The following CAMTA1 variants were observed in gnomAD, a reference collection of about 807,000 sequenced individuals.
CAMTA1 encodes the protein calmodulin binding transcription activator 1.
A neutral mutation model predicts 170.9 loss-of-function variants in CAMTA1; 27 were observed. The ratio of observed to expected loss-of-function variants is 0.16; its 90% CI spans 0.12 to 0.22. CAMTA1 has a LOEUF of 0.22. CAMTA1 is among the 10% of genes least tolerant of loss of function. The pLI, the probability that CAMTA1 is intolerant of heterozygous loss-of-function variation, is 1.00. For missense variants in CAMTA1, 1,619 were observed against 2,217.2 expected (o/e 0.73, Z 5.42); for synonymous variants, 833 against 891.5 (o/e 0.93, Z 1.17).
chr1:7,018,227 C>G (rs189536908), intron 3 of CAMTA1, among the ~76,000 whole-genome samples: 1 of 151,898 alleles, frequency 6.6e-6, no homozygotes, highest in Admixed American at 6.6e-5. Flanking sequence ...ACTCCTCTCT[C>G]GACTCCTGGG....
intron 5 of CAMTA1, among the ~76,000 whole-genome samples, chr1:7,424,084 C>T (rs1176071400): frequency 2.0e-5 from 3 of 152,100 alleles, no homozygotes; most frequent in Non-Finnish European, 2.9e-5. Flanking sequence ...GATAAGCCCA[C>T]GTCAGCCTTC....
intron 6 of CAMTA1, among the ~76,000 whole-genome samples, chr1:7,582,842 G>A (rs2095272916): frequency 6.6e-6 from 1 of 151,782 alleles, no homozygotes. Flanking sequence ...TGGGGACTGA[G>A]GAACCAGAAG....
intron 3 of CAMTA1, among the ~76,000 whole-genome samples, chr1:7,009,992 G>C (rs1209428155): frequency 6.6e-6 from 1 of 152,232 alleles, no homozygotes. Context: ...TGTTGGCGCT[G>C]TCCAGGTGCC....
Position 6,785,502 on chromosome 1 carries a change from T to TCC in CAMTA1, c.-28_-27insCC. 9.8e-7 allele frequency: 1 copy of TCC among 1,024,022 alleles called. No homozygotes were observed. Among genetic ancestry groups the TCC allele is most frequent in the Non-Finnish European group, 1.2e-6 (1 of 851,098 alleles). The allele number at this position is 1,024,022 out of a possible 1,614,324, so 63.4% of individuals were successfully genotyped here. On this transcript the variant is annotated 5_prime_UTR_variant, in exon 1 of 23. Transcript: ENST00000303635. Reference sequence around the variant, plus strand: ...GGCGGCGGCGGTACGAGGCGCGCGCTCGGGGTCCCGGTCGCGAGGAGGAGG... The same window carrying TCC: ...GGCGGCGGCGGTACGAGGCGCGCGCTCCCGGGGTCCCGGTCGCGAGGAGGAGG...
At chr1:7,467,925 TC>T (rs1557764182) in intron 6 of CAMTA1, 24 bp downstream of exon 6, 1 of 1,596,968 alleles carries the variant, frequency 6.3e-7, no homozygotes, top group African/African-American at 1.3e-5. Context: ...ACTGGATTCT[TC>T]TTCTGTCTCT....
At chr1:6,909,306 G>A (rs1334864434) in intron 3 of CAMTA1, among the ~76,000 whole-genome samples, 2 of 152,240 alleles carry the variant, frequency 1.3e-5, no homozygotes, top group Non-Finnish European at 2.9e-5. Context: ...CAGTATGTCT[G>A]AATTACTTCC....
chr1:6,893,565 G>C (rs1219182640), intron 3 of CAMTA1, among the ~76,000 whole-genome samples: 4 of 152,250 alleles, frequency 2.6e-5, no homozygotes, highest in Admixed American at 6.5e-5. Context: ...TAGGTTTGCA[G>C]AATTCTAAAT....
At chr1:6,993,937 T>A (rs1484427867) in intron 3 of CAMTA1, among the ~76,000 whole-genome samples, 1 of 152,194 alleles carries the variant, frequency 6.6e-6, no homozygotes. Context: ...TTGGGTTAAT[T>A]GAATGTATTA....
rs975016663 is a variant in CAMTA1 at position 7,007,697 on chromosome 1, C to T, written c.235-83607C>T. On this transcript the variant is annotated intron_variant, in intron 3 of 22. Coordinates refer to ENST00000303635, the MANE Select transcript of CAMTA1 (RefSeq NM_015215.4). This position sits in a 1 kb window ranked among gnomAD's most constrained non-coding sequence, Gnocchi z 4.5. ...AGGTGAGCTCCTTCTGAAAGGACCC[C>T]CTGTGGGGCTCCCGGGGCGTCGCTT... Among the ~76,000 whole-genome samples the T allele has an allele frequency of 6.6e-6, 1 of 152,150 alleles. No homozygotes were observed. The highest frequency in any genetic ancestry group is 6.5e-5 in the Admixed American group (1 of 15,280).
intron 4 of CAMTA1, among the ~76,000 whole-genome samples, chr1:7,213,128 A>G (rs979327273): frequency 1.6e-4 from 25 of 152,368 alleles, no homozygotes; most frequent in African/African-American, 5.8e-4. Context: ...ATAAATGCCT[A>G]GGAATGCAGC....
At chr1:7,034,189 G>T (rs774521848) in intron 3 of CAMTA1, among the ~76,000 whole-genome samples, 1 of 151,890 alleles carries the variant, frequency 6.6e-6, no homozygotes, top group Non-Finnish European at 1.5e-5. Context: ...ACAGAGTCTC[G>T]CTCTGTTGCC....
intron 6 of CAMTA1, among the ~76,000 whole-genome samples, chr1:7,469,506 C>G (rs1044482342): frequency 6.6e-6 from 1 of 152,262 alleles, no homozygotes; most frequent in African/African-American, 2.4e-5. Context: ...CCTGTACACT[C>G]CTTCCTGGGC....
rs1053346809 is a variant in CAMTA1, at chr1:7,286,414, C to A, written c.438+36788C>A. On this transcript the variant is annotated intron_variant, in intron 5 of 22. Coordinates refer to ENST00000303635, the MANE Select transcript of CAMTA1 (RefSeq NM_015215.4). The surrounding 1 kb of genome is among the most constrained non-coding windows in gnomAD (Gnocchi z 4.2). ...ATTGGTGGCATTTTGAAGGTCCAAA[C>A]AGAGATCTTCCATGACAGGTGCATC... 2.0e-5 allele frequency among the ~76,000 whole-genome samples: 3 copies of A among 152,202 alleles called. 1 individual carries two copies. Among genetic ancestry groups the A allele is most frequent in the Non-Finnish European group, 4.4e-5 (3 of 68,040 alleles).
intron 5 of CAMTA1, among the ~76,000 whole-genome samples, chr1:7,412,552 A>G (rs894599385): frequency 3.9e-5 from 6 of 152,266 alleles, no homozygotes; most frequent in South Asian, 2.1e-4. Context: ...CTGCATAAAT[A>G]TCTTCTTTTG....
At chr1:6,908,362 C>T (rs1158411485) in intron 3 of CAMTA1, among the ~76,000 whole-genome samples, 1 of 152,238 alleles carries the variant, frequency 6.6e-6, no homozygotes, top group Non-Finnish European at 1.5e-5. Flanking sequence ...ATGCCCTCTG[C>T]TCTCAAGTTT....
At chr1:7,062,000 C>T (rs1708290103) in intron 3 of CAMTA1, among the ~76,000 whole-genome samples, 1 of 152,138 alleles carries the variant, frequency 6.6e-6, no homozygotes, top group Non-Finnish European at 1.5e-5. Flanking sequence ...TCACTGCAAC[C>T]TCCGCCTACC....
rs535168638 is a variant in CAMTA1, at chr1:7,653,056, G to A, written c.665-8670G>A. On this transcript the variant is annotated intron_variant, in intron 7 of 22. Coordinates refer to ENST00000303635, the MANE Select transcript of CAMTA1 (RefSeq NM_015215.4). ...TTGAGTGTGCCTCGAAGGCCTATTA[G>A]GACGTGGATGCTGGGCCCCAAACCC... is the stretch of plus-strand genomic sequence containing the variant. 4.1e-4 allele frequency among the ~76,000 whole-genome samples: 63 copies of A among 152,070 alleles called. 1 individual carries two copies. The South Asian group carries it at 0.011, about 27-fold the overall frequency.
In CAMTA1 at chr1:7,547,591, C is replaced by T. The variant is rs762402858; in HGVS notation, c.510+79690C>T. Reference sequence around the variant, plus strand: ...TAAGTAATCTAAAGATGATTTAAATCAAGCTTGTCCAACCCATGGCTTGTG... The same window carrying T: ...TAAGTAATCTAAAGATGATTTAAATTAAGCTTGTCCAACCCATGGCTTGTG... On this transcript the variant is annotated intron_variant, in intron 6 of 22. Coordinates refer to ENST00000303635, the MANE Select transcript of CAMTA1 (RefSeq NM_015215.4). The surrounding 1 kb of genome is among the most constrained non-coding windows in gnomAD (Gnocchi z 5.7). Among the ~76,000 whole-genome samples the T allele has an allele frequency of 3.9e-5, 6 of 152,146 alleles. No individual in the cohort carries two copies. The highest frequency in any genetic ancestry group is 3.8e-4 in the East Asian group (2 of 5,200).
At chr1:7,751,162 G>A (rs1219522641) in intron 19 of CAMTA1, 37 bp from the exon 20 acceptor site, 1 of 1,526,650 alleles carries the variant, frequency 6.6e-7, no homozygotes, top group Non-Finnish European at 8.8e-7. Context: ...TGCAGCCCCT[G>A]TTGTTACTGT....
Sources: allele counts gnomAD v4.1 joint callset (sites outside exome capture counted in the v4.1 genomes callset), GRCh38; gene constraint gnomAD v4.1.1; non-coding constraint Gnocchi (gnomAD v3.1); transcripts MANE v1.5; gene names NCBI Gene and HGNC (gene_info 2026-07-23, HGNC 2026-07-21).